CAMK2D: variants seen among roughly 807,000 people sequenced by gnomAD.
The protein encoded by CAMK2D is calcium/calmodulin-dependent protein kinase type II subunit delta.
CAMK2D carries 37 observed loss-of-function variants against 84.0 expected under a neutral mutation model. That is an observed-to-expected ratio of 0.44 (90% CI 0.34 to 0.58). The LOEUF is 0.58. CAMK2D is among the 20% of genes least tolerant of loss of function. The pLI, the probability that CAMK2D is intolerant of heterozygous loss-of-function variation, is 0.02. For missense variants in CAMK2D, 448 were observed against 652.5 expected, an observed-to-expected ratio of 0.69 and a Z score of 3.41; for synonymous variants, 202 against 212.5, an observed-to-expected ratio of 0.95 and a Z score of 0.43.
chr4:113,512,177 C>T (rs2098223723), intron 12 of CAMK2D, among the ~76,000 whole-genome samples: 1 of 152,186 alleles, frequency 6.6e-6, no homozygotes, highest in Admixed American at 6.5e-5. Flanking sequence ...TTAATTGCTG[C>T]TCCAGTCCTT....
At chr4:113,615,738 C>G (rs1010471315) in intron 3 of CAMK2D, among the ~76,000 whole-genome samples, 6 of 151,946 alleles carry the variant, frequency 3.9e-5, no homozygotes, top group Non-Finnish European at 8.8e-5. Context: ...GGTATAGATA[C>G]ATATTAATTT....
chr4:113,678,710 C>T (rs1162700814), intron 2 of CAMK2D, among the ~76,000 whole-genome samples: 2 of 152,056 alleles, frequency 1.3e-5, no homozygotes, highest in African/African-American at 4.8e-5. Flanking sequence ...AAGACTAGAA[C>T]TTAAATCTAA....
At chr4:113,699,271 A>G (rs56397733) in intron 2 of CAMK2D, among the ~76,000 whole-genome samples, 6,587 of 152,170 alleles carry the variant, frequency 0.043, 261 homozygotes, top group African/African-American at 0.094. Context: ...TGTTTATCTG[A>G]TAGTTTTTTC....
chr4:113,576,210 A>AT (rs1403537847), intron 4 of CAMK2D, among the ~76,000 whole-genome samples: 2 of 152,116 alleles, frequency 1.3e-5, no homozygotes, highest in East Asian at 3.9e-4. Context: ...CCCTGAAAAT[A>AT]TTTTTTATTT....
intron 7 of CAMK2D, among the ~76,000 whole-genome samples, chr4:113,532,931 G>T (rs1270797786): frequency 6.6e-6 from 1 of 151,218 alleles, no homozygotes; most frequent in Non-Finnish European, 1.5e-5. Flanking sequence ...GCTCTCCTTA[G>T]TTACCTACAG....
chr4:113,727,721 G>A lies in CAMK2D; in HGVS notation c.160+31599C>T, dbSNP rs547967320. Among the ~76,000 whole-genome samples, 12 of 152,142 alleles carry A rather than the reference G, an allele frequency of 7.9e-5. 1 individual carries two copies. Among genetic ancestry groups the A allele is most frequent in the Admixed American group, 6.5e-4 (10 of 15,290 alleles). On this transcript the variant is annotated intron_variant, in intron 2 of 20. Transcript: ENST00000511664. ...TCAAAAAACACACTACTAGAGAAAC[G>A]AATAGGCAAACCACAGTCTGGAAGA...
intron 4 of CAMK2D, among the ~76,000 whole-genome samples, chr4:113,590,110 T>TAAAAAAA (rs575577158): frequency 1.3e-5 from 2 of 152,162 alleles, no homozygotes; most frequent in Non-Finnish European, 2.9e-5. Context: ...ACCAGCTACA[T>TAAAAAAA]AAAAAAACAC....
intron 2 of CAMK2D, among the ~76,000 whole-genome samples, chr4:113,756,372 A>G (rs966728396): frequency 1.3e-5 from 2 of 152,020 alleles, no homozygotes; most frequent in Non-Finnish European, 2.9e-5. Context: ...TAAAACAAAT[A>G]GACTAAAGGC....
intron 2 of CAMK2D, among the ~76,000 whole-genome samples, chr4:113,742,890 T>C (rs1263310755): frequency 6.6e-6 from 1 of 152,200 alleles, no homozygotes; most frequent in East Asian, 1.9e-4. Flanking sequence ...TATCTATAAA[T>C]AGTACTTTCC....
intron 5 of CAMK2D, among the ~76,000 whole-genome samples, chr4:113,548,326 C>T (rs894196408): frequency 2.0e-5 from 3 of 152,132 alleles, no homozygotes; most frequent in African/African-American, 4.8e-5. Flanking sequence ...AATCTACAGG[C>T]GGACATACAT....
At chr4:113,569,944 G>T (rs936671275) in intron 4 of CAMK2D, among the ~76,000 whole-genome samples, 1 of 151,884 alleles carries the variant, frequency 6.6e-6, no homozygotes, top group African/African-American at 2.4e-5. Context: ...TAGTAAAGTT[G>T]CAGGATACAA....
chr4:113,639,168 T>C (rs2099122016), intron 3 of CAMK2D, among the ~76,000 whole-genome samples: 3 of 151,144 alleles, frequency 2.0e-5, no homozygotes, highest in Admixed American at 6.6e-5. Context: ...CTTGAGCCCA[T>C]GAATTTGAGG....
intron 2 of CAMK2D, among the ~76,000 whole-genome samples, chr4:113,704,624 GGAGA>G (rs1327776864): frequency 6.6e-6 from 1 of 151,944 alleles, no homozygotes; most frequent in Non-Finnish European, 1.5e-5. Context: ...AAGTGAGAAG[GGAGA>G]GAGTGATTGC....
In CAMK2D at chr4:113,603,773, T is replaced by A. The variant is rs1037780596; in HGVS notation, c.275+5379A>T. 8.0e-4 allele frequency among the ~76,000 whole-genome samples: 102 copies of A among 127,940 alleles called. 1 individual carries two copies. The highest frequency in any genetic ancestry group is 2.4e-3 in the African/African-American group (73 of 30,652). 83.9% of individuals were successfully genotyped at this position (127,940 alleles called of 152,430 possible). On this transcript the variant is annotated intron_variant, in intron 4 of 20. Coordinates refer to ENST00000511664, the MANE Select transcript of CAMK2D (RefSeq NM_001321571.2). Reference sequence around the variant, plus strand: ...ATCTTTCTATATATTTCTTGCTATTTTATATATATATATATATATATATAT... The same window carrying A: ...ATCTTTCTATATATTTCTTGCTATTATATATATATATATATATATATATAT...
At chr4:113,735,503 T>C (rs1033884144) in intron 2 of CAMK2D, among the ~76,000 whole-genome samples, 1 of 151,798 alleles carries the variant, frequency 6.6e-6, no homozygotes, top group South Asian at 2.1e-4. Flanking sequence ...ACACAATTTG[T>C]ACAATACACA....
intron 4 of CAMK2D, 130 bp from the exon 5 acceptor site, chr4:113,552,226 T>C (rs2098634220): frequency 1.9e-6 from 1 of 538,960 alleles, no homozygotes; most frequent in African/African-American, 1.9e-5. Context: ...TTTTAAAACA[T>C]GAGACAGTGT....
At chr4:113,497,111 C>T (rs531594208) in intron 16 of CAMK2D, among the ~76,000 whole-genome samples, 2 of 143,828 alleles carry the variant, frequency 1.4e-5, no homozygotes, top group African/African-American at 2.6e-5. Flanking sequence ...CTGGGTTTCA[C>T]TGAGTTTTTT....
At chr4:113,714,310 G>C (rs889753458) in intron 2 of CAMK2D, among the ~76,000 whole-genome samples, 1 of 152,026 alleles carries the variant, frequency 6.6e-6, no homozygotes, top group Non-Finnish European at 1.5e-5. Context: ...TTTACCACAA[G>C]TAAGTTTGGG....
At chr4:113,679,056 A>C (rs1387762606) in intron 2 of CAMK2D, among the ~76,000 whole-genome samples, 3 of 152,194 alleles carry the variant, frequency 2.0e-5, no homozygotes, top group Non-Finnish European at 4.4e-5. Context: ...TAGGAATAAC[A>C]CACTATGTAC....
Sources: gnomAD v4.1 joint callset for allele counts (sites outside exome capture counted in the v4.1 genomes callset) on GRCh38, gnomAD v4.1.1 for gene constraint, MANE v1.5 for transcripts, NCBI Gene and HGNC (gene_info 2026-07-23, HGNC 2026-07-21) for gene names.